The following CNTNAP2 variants were observed in gnomAD, a reference collection of about 807,000 sequenced individuals.
CNTNAP2 encodes contactin associated protein 2.
In CNTNAP2, 98 loss-of-function variants were observed where a neutral mutation model predicts 155.2. The observed-to-expected ratio is 0.63, with a 90% CI of 0.54 to 0.75. The LOEUF is 0.75. CNTNAP2 is among the 30% of genes least tolerant of loss of function. The pLI is 0.00. For synonymous variants in CNTNAP2, 651 were observed against 631.2 expected, an observed-to-expected ratio of 1.03 and a Z score of -0.47; for missense variants, 1,727 against 1,688.1, an observed-to-expected ratio of 1.02 and a Z score of -0.40.
chr7:147,349,321 T>C (rs1327444532), intron 9 of CNTNAP2, among the ~76,000 whole-genome samples: 1 of 151,862 alleles, frequency 6.6e-6, no homozygotes, highest in Non-Finnish European at 1.5e-5. Flanking sequence ...AAGATACTAT[T>C]AGCAGCTTAA....
intron 17 of CNTNAP2, among the ~76,000 whole-genome samples, chr7:148,164,149 G>C (rs1407921556): frequency 6.6e-6 from 1 of 152,152 alleles, no homozygotes; most frequent in Non-Finnish European, 1.5e-5. Flanking sequence ...TGGCCAGGCT[G>C]GTCTCGAACT....
At chr7:147,028,190 G>A (rs1023801872) in intron 3 of CNTNAP2, among the ~76,000 whole-genome samples, 1 of 152,136 alleles carries the variant, frequency 6.6e-6, no homozygotes, top group African/African-American at 2.4e-5. Flanking sequence ...AGGTTCCTTA[G>A]GGTTAAAACT....
intron 22 of CNTNAP2, among the ~76,000 whole-genome samples, chr7:148,394,484 C>T (rs2116686572): frequency 6.6e-6 from 1 of 152,122 alleles, no homozygotes; most frequent in East Asian, 1.9e-4. Flanking sequence ...TTTTCCTGTT[C>T]ATCCTTGCAC....
At chr7:146,650,315 C>A (rs1799886306) in intron 1 of CNTNAP2, among the ~76,000 whole-genome samples, 1 of 152,074 alleles carries the variant, frequency 6.6e-6, no homozygotes, top group Non-Finnish European at 1.5e-5. Context: ...CAATGATAGA[C>A]TGGATAAAGA....
At chr7:146,503,608 T>C (rs1797338321) in intron 1 of CNTNAP2, among the ~76,000 whole-genome samples, 1 of 152,220 alleles carries the variant, frequency 6.6e-6, no homozygotes, top group Non-Finnish European at 1.5e-5. Context: ...TATTTGATTT[T>C]TGTATATGGT....
chr7:146,735,711 A>T (rs1248074262), intron 1 of CNTNAP2, among the ~76,000 whole-genome samples: 1 of 152,144 alleles, frequency 6.6e-6, no homozygotes, highest in Non-Finnish European at 1.5e-5. Context: ...ATACATATGC[A>T]TATATATGTG....
intron 21 of CNTNAP2, among the ~76,000 whole-genome samples, chr7:148,308,374 C>T (rs779585220): frequency 4.6e-5 from 7 of 151,980 alleles, no homozygotes; most frequent in Non-Finnish European, 1.0e-4. Context: ...ACTGTATTCT[C>T]AACAACTACA....
intron 1 of CNTNAP2, among the ~76,000 whole-genome samples, chr7:146,629,745 A>C (rs1439182320): frequency 1.3e-5 from 2 of 152,096 alleles, no homozygotes; most frequent in East Asian, 3.9e-4. Flanking sequence ...AAATCCCAAA[A>C]CTTTATGGCA....
chr7:147,915,397 G>A (rs1334700668), intron 14 of CNTNAP2, among the ~76,000 whole-genome samples: 1 of 152,132 alleles, frequency 6.6e-6, no homozygotes, highest in African/African-American at 2.4e-5. Flanking sequence ...ATCCTTCTGG[G>A]GAACAATCAC....
At chr7:147,861,040 T>C (rs553378941) in intron 13 of CNTNAP2, among the ~76,000 whole-genome samples, 1 of 152,226 alleles carries the variant, frequency 6.6e-6, no homozygotes, top group Non-Finnish European at 1.5e-5. Flanking sequence ...GAACTCTTAA[T>C]ATCACCCCAG....
intron 11 of CNTNAP2, among the ~76,000 whole-genome samples, chr7:147,558,268 T>C (rs896606216): frequency 1.3e-5 from 2 of 152,248 alleles, no homozygotes; most frequent in Non-Finnish European, 2.9e-5. Flanking sequence ...CATTTTATCA[T>C]ATTTCCAGTG....
intron 11 of CNTNAP2, among the ~76,000 whole-genome samples, chr7:147,494,355 T>C (rs1309734192): frequency 6.6e-6 from 1 of 152,070 alleles, no homozygotes; most frequent in Admixed American, 6.6e-5. Flanking sequence ...AATTAATCCC[T>C]TCTTGCTTCG....
At chr7:146,930,153 G>A (rs530996520) in intron 3 of CNTNAP2, among the ~76,000 whole-genome samples, 14 of 152,226 alleles carry the variant, frequency 9.2e-5, no homozygotes, top group African/African-American at 3.4e-4. Flanking sequence ...CACCAAAGTT[G>A]AAATGAAGGA....
At chr7:146,674,890 G>C (rs1800370979) in intron 1 of CNTNAP2, among the ~76,000 whole-genome samples, 1 of 152,138 alleles carries the variant, frequency 6.6e-6, no homozygotes, top group African/African-American at 2.4e-5. Flanking sequence ...CCTGATATAA[G>C]AAAGTAGGAC....
intron 3 of CNTNAP2, among the ~76,000 whole-genome samples, chr7:146,973,139 C>G (rs1797836748): frequency 6.6e-6 from 1 of 152,166 alleles, no homozygotes; most frequent in African/African-American, 2.4e-5. Context: ...AGTGATTCTC[C>G]TGCCTCCGCC....
At chr7:148,231,103 G>T (rs1795952139) in intron 20 of CNTNAP2, among the ~76,000 whole-genome samples, 1 of 152,114 alleles carries the variant, frequency 6.6e-6, no homozygotes, top group African/African-American at 2.4e-5. Context: ...AACTTAAAAA[G>T]ACCTAAACAA....
At chr7:147,834,911 T>C (rs1798610856) in intron 13 of CNTNAP2, among the ~76,000 whole-genome samples, 1 of 152,074 alleles carries the variant, frequency 6.6e-6, no homozygotes, top group Non-Finnish European at 1.5e-5. Context: ...TGTACAGAGG[T>C]GCTTGTTTTA....
chr7:147,116,270 G>A (rs1800987626), intron 5 of CNTNAP2, among the ~76,000 whole-genome samples: 1 of 152,188 alleles, frequency 6.6e-6, no homozygotes, highest in South Asian at 2.1e-4. Context: ...GGAGACTACT[G>A]TTGGGAGGTC....
intron 3 of CNTNAP2, among the ~76,000 whole-genome samples, chr7:147,042,509 TA>T (rs1227689200): frequency 6.6e-6 from 1 of 152,192 alleles, no homozygotes; most frequent in Non-Finnish European, 1.5e-5. Flanking sequence ...TGGATGAACT[TA>T]AGCCAGTGCT....
Sources: gnomAD v4.1 joint callset for allele counts (sites outside exome capture counted in the v4.1 genomes callset) on GRCh38, gnomAD v4.1.1 for gene constraint, MANE v1.5 for transcripts, NCBI Gene and HGNC (gene_info 2026-07-23, HGNC 2026-07-21) for gene names.